The following RLIM variants were observed in gnomAD, a reference collection of about 807,000 sequenced individuals.
RLIM encodes the protein ring finger protein, LIM domain interacting, also known as E3 ubiquitin-protein ligase RLIM.
Under a neutral mutation model 34.0 loss-of-function variants are expected in RLIM, and 2 were observed. That is an observed-to-expected ratio of 0.06 (90% confidence interval 0.02 to 0.19). The LOEUF is 0.19. RLIM is among the 10% of genes least tolerant of loss of function. RLIM has a pLI of 1.00. For synonymous variants in RLIM, 169 were observed against 164.0 expected, an observed-to-expected ratio of 1.03 and a Z score of -0.23; for missense variants, 286 against 479.7, an observed-to-expected ratio of 0.60 and a Z score of 3.77.
Position 74,588,837 on chromosome X carries a change from C to T in RLIM, c.*2603G>A, listed in dbSNP as rs917923418. On this transcript the variant is annotated 3_prime_UTR_variant, in exon 4 of 4. Coordinates refer to ENST00000332687, the MANE Select transcript of RLIM (RefSeq NM_016120.4). ...TTTTGTTCTCCATTGTAATCTGACACCTACGAATGACCTTGTCTTCAATGT... is the reference window on the plus strand; with the variant it reads ...TTTTGTTCTCCATTGTAATCTGACATCTACGAATGACCTTGTCTTCAATGT... The T allele has an allele frequency of 8.9e-6, 1 of 111,976 alleles. No individual in the cohort carries two copies. Among genetic ancestry groups the T allele is most frequent in the Non-Finnish European group, 1.9e-5 (1 of 53,236 alleles). The allele number at this position is 111,976 out of a possible 1,213,427, so 9.2% of individuals were successfully genotyped here.
Position 74,590,651 on chromosome X carries a change from A to C in RLIM, c.*789T>G, listed in dbSNP as rs2079608807. ...TTTGTTACTATGTTGGCTCACAAAA[A>C]GCAGTTTTCTCAGTTCTAAGCATGG... On this transcript the variant is annotated 3_prime_UTR_variant, in exon 4 of 4. Transcript: ENST00000332687. 8.9e-6 allele frequency: 1 copy of C among 112,790 alleles called. No individual in the cohort carries two copies. The highest frequency in any genetic ancestry group is 3.6e-4 in the South Asian group (1 of 2,781). 9.3% of individuals were successfully genotyped at this position (112,790 alleles called of 1,213,427 possible).
chrX:74,609,487 C>CAAAAAA lies in RLIM; in HGVS notation c.-24+4929_-24+4934dup, dbSNP rs752008137. On this transcript the variant is annotated intron_variant, in intron 1 of 3. Transcript: ENST00000332687. ...TGGGCGACAGAGCGAGACTCCGTTTCAAAAAAAAAAAAAAAAAAAAAAAAA... is the reference window on the plus strand; with the variant it reads ...TGGGCGACAGAGCGAGACTCCGTTTCAAAAAAAAAAAAAAAAAAAAAAAAAAAAAAA... Among the ~76,000 whole-genome samples, 8 of 32,770 alleles carry CAAAAAA rather than the reference C, an allele frequency of 2.4e-4. 1 individual carries two copies. The highest frequency in any genetic ancestry group is 8.3e-4 in the Admixed American group (2 of 2,422). The allele number at this position is 32,770 out of a possible 115,157, so 28.5% of individuals were successfully genotyped here. A position where few individuals can be genotyped will look rare whatever the true frequency, so the allele number is the denominator to read the frequency against.
chrX:74,612,542 A>G (rs528380698), intron 1 of RLIM: 1 of 112,032 alleles, frequency 8.9e-6, no homozygotes, highest in East Asian at 2.8e-4. Context: ...CATGCATTCT[A>G]CACATAAATC....
intron 1 of RLIM, chrX:74,612,441 T>C (rs965538406): frequency 1.8e-5 from 2 of 111,249 alleles, no homozygotes; most frequent in Non-Finnish European, 3.8e-5. Flanking sequence ...TACCCATTCT[T>C]ATCATGAAGA....
chrX:74,599,960 C>G (rs945492084), intron 1 of RLIM, among the ~76,000 whole-genome samples: 1 of 110,720 alleles, frequency 9.0e-6, no homozygotes, highest in Non-Finnish European at 1.9e-5. Context: ...CACAAAGAAG[C>G]CTGTCTTGTC....
chrX:74,610,480 A>AC (rs2079704975), intron 1 of RLIM, among the ~76,000 whole-genome samples: 1 of 110,211 alleles, frequency 9.1e-6, no homozygotes, highest in South Asian at 3.8e-4. Context: ...AAAAAAAAAA[A>AC]CCCTTGTGTT....
At chrX:74,601,057 A>G (rs2079659268) in intron 1 of RLIM, among the ~76,000 whole-genome samples, 1 of 110,389 alleles carries the variant, frequency 9.1e-6, no homozygotes, top group African/African-American at 3.3e-5. Flanking sequence ...GGGAGGTAAA[A>G]GCCCAGAAGG....
intron 1 of RLIM, among the ~76,000 whole-genome samples, chrX:74,599,745 T>G (rs1390600359): frequency 1.8e-5 from 2 of 111,433 alleles, no homozygotes; most frequent in Non-Finnish European, 1.9e-5. Flanking sequence ...TTTTTGTTGT[T>G]TATAAGCCAC....
intron 1 of RLIM, among the ~76,000 whole-genome samples, chrX:74,596,868 C>T (rs2079642330): frequency 9.0e-6 from 1 of 111,360 alleles, no homozygotes; most frequent in Non-Finnish European, 1.9e-5. Context: ...AGTATACACT[C>T]ATCATCTCAA....
At position 74,608,134 on chromosome X, in the gene RLIM, G is replaced by A. The variant is rs186235705; in HGVS notation, c.-24+6288C>T. Among the ~76,000 whole-genome samples the A allele has an allele frequency of 1.0e-3, 115 of 111,884 alleles. 1 individual carries two copies. Among genetic ancestry groups the A allele is most frequent in the African/African-American group, 3.6e-3 (111 of 30,763 alleles). Reference sequence around the variant, plus strand: ...GAAATCCAGTCTTGGTTGTAACTTGGTTATGTGGATTTGGCCAATTCATTT... The same window carrying A: ...GAAATCCAGTCTTGGTTGTAACTTGATTATGTGGATTTGGCCAATTCATTT... On this transcript the variant is annotated intron_variant, in intron 1 of 3. Transcript: ENST00000332687.
At chrX:74,609,099 T>A in intron 1 of RLIM, among the ~76,000 whole-genome samples, 1 of 111,672 alleles carries the variant, frequency 9.0e-6, no homozygotes, top group East Asian at 2.8e-4. Context: ...TAACTGACAA[T>A]GTTGGTGTTC....
intron 1 of RLIM, among the ~76,000 whole-genome samples, chrX:74,600,726 C>T (rs774462500): frequency 2.7e-5 from 3 of 109,667 alleles, no homozygotes; most frequent in Non-Finnish European, 5.7e-5. Flanking sequence ...ACAATAGTAT[C>T]GGGGGCTGGG....
At chrX:74,605,245 C>T (rs2079677836) in intron 1 of RLIM, among the ~76,000 whole-genome samples, 2 of 112,315 alleles carry the variant, frequency 1.8e-5, no homozygotes, top group African/African-American at 6.5e-5. Context: ...AGCAGACCTT[C>T]ACTATCTAAG....
chrX:74,599,620 T>C (rs921812942), intron 1 of RLIM, among the ~76,000 whole-genome samples: 5 of 111,273 alleles, frequency 4.5e-5, no homozygotes, highest in Admixed American at 9.6e-5. Context: ...CCTTTTGCCA[T>C]GTGAGGTTAA....
At chrX:74,613,869 T>C (rs889909236) in intron 1 of RLIM, among the ~76,000 whole-genome samples, 1 of 109,425 alleles carries the variant, frequency 9.1e-6, no homozygotes, top group Non-Finnish European at 1.9e-5. Context: ...TCAGGGAAGA[T>C]GTCATCGCGG....
chrX:74,606,444 T>G (rs1348768583), intron 1 of RLIM, among the ~76,000 whole-genome samples: 1 of 111,885 alleles, frequency 8.9e-6, no homozygotes, highest in African/African-American at 3.2e-5. Flanking sequence ...CTTTGAGAAT[T>G]TTAAAGTATT....
chrX:74,599,593 C>T (rs975920212), intron 1 of RLIM, among the ~76,000 whole-genome samples: 2 of 110,983 alleles, frequency 1.8e-5, no homozygotes, highest in African/African-American at 6.6e-5. Flanking sequence ...AAAATAGTCC[C>T]CAGAGAGTTC....
intron 3 of RLIM, among the ~76,000 whole-genome samples, chrX:74,593,487 A>G (rs1183794841): frequency 2.7e-5 from 3 of 112,736 alleles, no homozygotes; most frequent in African/African-American, 9.7e-5. Context: ...ATTAGTCTAC[A>G]TACTGTGCCT....
chrX:74,605,826 A>G (rs2079679999), intron 1 of RLIM, among the ~76,000 whole-genome samples: 1 of 111,891 alleles, frequency 8.9e-6, no homozygotes, highest in African/African-American at 3.3e-5. Context: ...CAATAATCCC[A>G]TGAATTAGGA....
Sources: allele counts gnomAD v4.1 joint callset (sites outside exome capture counted in the v4.1 genomes callset), GRCh38; gene constraint gnomAD v4.1.1; transcripts MANE v1.5; gene names NCBI Gene and HGNC (gene_info 2026-07-23, HGNC 2026-07-21).